The following MYT1L variants were observed in gnomAD, a reference collection of about 807,000 sequenced individuals.
MYT1L encodes myelin transcription factor 1 like.
Under a neutral mutation model 126.7 loss-of-function variants are expected in MYT1L, and 12 were observed. The ratio of observed to expected loss-of-function variants is 0.09; its 90% CI spans 0.06 to 0.15. The LOEUF is 0.15. MYT1L is among the 10% of genes least tolerant of loss of function. The pLI is 1.00. For missense variants in MYT1L, 979 were observed against 1,585.2 expected, an observed-to-expected ratio of 0.62 and a Z score of 6.49; for synonymous variants, 541 against 604.2, an observed-to-expected ratio of 0.90 and a Z score of 1.53.
chr2:2,059,442 A>C lies in MYT1L; in HGVS notation c.-303-5319T>G, dbSNP rs563339606. 2.6e-5 allele frequency among the ~76,000 whole-genome samples: 4 copies of C among 152,230 alleles called. No homozygotes were observed. In the South Asian group the frequency reaches 8.3e-4, roughly 32 times the overall value. The stretch of plus-strand genomic sequence containing the variant: ...ACCGCAGGAAGCACCCAATGGTCTC[A>C]CTTTCCGTTTGTGTTGATGAGCAGA... On this transcript the variant is annotated intron_variant, in intron 3 of 24. Transcript: ENST00000647738. This position sits in a 1 kb window ranked among gnomAD's most constrained non-coding sequence, Gnocchi z 4.7.
chr2:1,868,595 CCCCAGCCAGGGAG>C (rs2045891374), intron 18 of MYT1L, among the ~76,000 whole-genome samples: 1 of 152,212 alleles, frequency 6.6e-6, no homozygotes, highest in Admixed American at 6.5e-5. Flanking sequence ...GGGCAGGCGT[CCCCAGCCAGGGAG>C]GAAGGCTCTT....
chr2:2,047,579 A>C (rs949859133), intron 4 of MYT1L, among the ~76,000 whole-genome samples: 3 of 152,226 alleles, frequency 2.0e-5, no homozygotes, highest in African/African-American at 4.8e-5. Flanking sequence ...ATATTGAATA[A>C]ACTCACACAT....
intron 3 of MYT1L, among the ~76,000 whole-genome samples, chr2:2,127,687 G>A (rs1200804756): frequency 1.3e-5 from 2 of 152,168 alleles, no homozygotes; most frequent in Non-Finnish European, 2.9e-5. Flanking sequence ...ACTGAGCTCC[G>A]CAGCTCTCAT....
In MYT1L at chr2:1,917,115, A is replaced by G. The variant is rs1432373172; in HGVS notation, c.1618+90T>C. On this transcript the variant is annotated intron_variant, in intron 11 of 24. Transcript: ENST00000647738. The surrounding 1 kb of genome is among the most constrained non-coding windows in gnomAD (Gnocchi z 5.9). ...GTTAAATCAGGTCGCACCGAGCCGTACAATGGAGATGATGTCAGGTAAGAG... is the reference window on the plus strand; with the variant it reads ...GTTAAATCAGGTCGCACCGAGCCGTGCAATGGAGATGATGTCAGGTAAGAG... 1.0e-5 allele frequency: 15 copies of G among 1,493,810 alleles called. No homozygotes were observed. Among genetic ancestry groups the G allele is most frequent in the Non-Finnish European group, 1.3e-5 (14 of 1,097,594 alleles). 92.5% of individuals were successfully genotyped at this position (1,493,810 alleles called of 1,614,324 possible).
chr2:2,028,616 C>T (rs544449925), intron 4 of MYT1L, among the ~76,000 whole-genome samples: 93 of 152,224 alleles, frequency 6.1e-4, no homozygotes, highest in African/African-American at 2.1e-3. Context: ...AAATTATCAT[C>T]ATGGTTCTGA....
chr2:1,974,887 T>C (rs749290064), intron 8 of MYT1L: 9 of 152,252 alleles, frequency 5.9e-5, no homozygotes, highest in Non-Finnish European at 1.3e-4. Flanking sequence ...GGTTTACCAT[T>C]GTAGTTGTAC....
intron 2 of MYT1L, among the ~76,000 whole-genome samples, chr2:2,283,808 G>A (rs1374854577): frequency 6.6e-6 from 1 of 152,196 alleles, no homozygotes; most frequent in Non-Finnish European, 1.5e-5. Context: ...GGAAACTACA[G>A]CCTCAAAATG....
At chr2:2,261,154 T>C (rs1454592267) in intron 2 of MYT1L, among the ~76,000 whole-genome samples, 3 of 151,982 alleles carry the variant, frequency 2.0e-5, no homozygotes, top group Admixed American at 6.6e-5. Flanking sequence ...TGTGTGTGTG[T>C]GTGTGTGTGT....
In MYT1L at chr2:2,211,720, G is replaced by A. The variant is rs1454981390; in HGVS notation, c.-420-38732C>T. ...CTCAGGAGGCTGAGGCAGGAGAATC[G>A]CTTGAACCCAGAAGGCAGAGGTTGC... On this transcript the variant is annotated intron_variant, in intron 2 of 24. Transcript: ENST00000647738. Among the ~76,000 whole-genome samples, 7 of 149,712 alleles carry A rather than the reference G, an allele frequency of 4.7e-5. No individual in the cohort carries two copies. The East Asian group carries it at 6.0e-4, about 13-fold the overall frequency.
chr2:2,317,936 C>A (rs986816593), intron 1 of MYT1L, among the ~76,000 whole-genome samples: 25 of 152,106 alleles, frequency 1.6e-4, no homozygotes, highest in African/African-American at 6.0e-4. Context: ...TTATAAGGGC[C>A]CAAGCCACAT....
At position 1,852,361 on chromosome 2, in the gene MYT1L, C is replaced by G. The variant is rs570450508; in HGVS notation, c.2712-658G>C. 1.7e-4 allele frequency among the ~76,000 whole-genome samples: 26 copies of G among 152,274 alleles called. No individual in the cohort carries two copies. In the South Asian group the frequency reaches 5.2e-3, roughly 30 times the overall value. ...AGAACATAAATCAGTTCAGATCCAC[C>G]AGGTCAGTCAGTGGAGAGGCTCTGA... On this transcript the variant is annotated intron_variant, in intron 18 of 24. Transcript: ENST00000647738. This position sits in a 1 kb window ranked among gnomAD's most constrained non-coding sequence, Gnocchi z 4.0.
At position 1,910,155 on chromosome 2, in the gene MYT1L, A is replaced by G; in HGVS notation, c.1817+85T>C. The G allele has an allele frequency of 1.6e-6, 2 of 1,245,926 alleles. No homozygotes were observed. Among genetic ancestry groups the G allele is most frequent in the South Asian group, 1.3e-5 (1 of 77,810 alleles). 77.2% of individuals were successfully genotyped at this position (1,245,926 alleles called of 1,614,324 possible). ...TCCCTGCCCCTGCTGCTGTAGGGAC[A>G]TGCCCTGAGCGGGTGTCCCCAGCGC... On this transcript the variant is annotated intron_variant, in intron 13 of 24. Transcript: ENST00000647738. The surrounding 1 kb of genome is among the most constrained non-coding windows in gnomAD (Gnocchi z 4.8).
chr2:2,206,558 C>A (rs941407643), intron 2 of MYT1L, among the ~76,000 whole-genome samples: 38 of 152,252 alleles, frequency 2.5e-4, no homozygotes, highest in African/African-American at 8.4e-4. Context: ...TTCCTCATTA[C>A]CTCATGCAAT....
intron 10 of MYT1L, among the ~76,000 whole-genome samples, chr2:1,919,152 G>A (rs777181958): frequency 1.6e-4 from 25 of 152,142 alleles, no homozygotes; most frequent in African/African-American, 4.3e-4. Context: ...CACAGATATC[G>A]AAAGTGTTGT....
At chr2:2,267,097 G>T (rs140482245) in intron 2 of MYT1L, among the ~76,000 whole-genome samples, 2 of 152,200 alleles carry the variant, frequency 1.3e-5, no homozygotes, top group African/African-American at 4.8e-5. Context: ...GCCAGGAGGC[G>T]AATAGAAAGT....
intron 18 of MYT1L, among the ~76,000 whole-genome samples, chr2:1,882,348 G>A (rs1041181367): frequency 6.6e-6 from 1 of 151,806 alleles, no homozygotes; most frequent in African/African-American, 2.4e-5. Flanking sequence ...GGCTGATCAC[G>A]TGCACCCGGG....
At chr2:1,951,401 C>T (rs2057740688) in intron 8 of MYT1L, among the ~76,000 whole-genome samples, 2 of 152,016 alleles carry the variant, frequency 1.3e-5, no homozygotes, top group African/African-American at 4.8e-5. Context: ...GAGGCTGGCC[C>T]AGGAGACACA....
At chr2:2,264,238 T>A (rs1375693310) in intron 2 of MYT1L, among the ~76,000 whole-genome samples, 1 of 152,146 alleles carries the variant, frequency 6.6e-6, no homozygotes, top group Non-Finnish European at 1.5e-5. Flanking sequence ...GCAAGGACTA[T>A]GCATCTCCTG....
At chr2:2,200,046 T>C (rs543016715) in intron 2 of MYT1L, among the ~76,000 whole-genome samples, 27 of 152,270 alleles carry the variant, frequency 1.8e-4, no homozygotes, top group African/African-American at 6.5e-4. Flanking sequence ...CGCTGGGCCT[T>C]ACGGTTTACA....
Sources: allele counts gnomAD v4.1 joint callset (sites outside exome capture counted in the v4.1 genomes callset), GRCh38; gene constraint gnomAD v4.1.1; non-coding constraint Gnocchi (gnomAD v3.1); transcripts MANE v1.5; gene names NCBI Gene and HGNC (gene_info 2026-07-23, HGNC 2026-07-21).